The following LARGE1 variants were observed in gnomAD, a reference collection of about 807,000 sequenced individuals.
The protein encoded by LARGE1 is LARGE xylosyl- and glucuronyltransferase 1.
Under a neutral mutation model 87.6 loss-of-function variants are expected in LARGE1, and 43 were observed. The observed-to-expected ratio is 0.49, with a 90% CI of 0.38 to 0.63. The LOEUF (loss-of-function observed/expected upper bound fraction) is 0.63, where lower values mean the gene tolerates loss of function less well. Ranked by LOEUF, LARGE1 falls within the 30% of genes least tolerant of loss-of-function variation. The probability of loss-of-function intolerance (pLI) is 0.00; values close to 1 mark genes in which losing one functional copy is unlikely to be tolerated. For missense variants in LARGE1, 802 were observed against 1,000.2 expected (o/e 0.80, Z 2.67); for synonymous variants, 434 against 394.6 (o/e 1.10, Z -1.18).
Position 33,593,293 on chromosome 22 carries a change from T to A in LARGE1, c.615+11142A>T, listed in dbSNP as rs146265958. 4.7e-3 allele frequency among the ~76,000 whole-genome samples: 714 copies of A among 152,332 alleles called. 22 individuals are homozygous for A. The highest frequency in any genetic ancestry group is 0.041 in the Admixed American group (632 of 15,298). On this transcript the variant is annotated intron_variant, in intron 5 of 14. Transcript: ENST00000397394. ...CCTGGGCTCAAGTGATCCACCCACC[T>A]CAGCCTCCCAAAGTGCTGGGATTAC...
At chr22:33,345,376 A>C (rs1939634727) in intron 9 of LARGE1, among the ~76,000 whole-genome samples, 1 of 152,210 alleles carries the variant, frequency 6.6e-6, no homozygotes, top group African/African-American at 2.4e-5. Context: ...GAGATTGACA[A>C]AAGATGACAG....
chr22:33,555,930 C>CAA (rs34477059), intron 6 of LARGE1, among the ~76,000 whole-genome samples: 1,734 of 124,202 alleles, frequency 0.014, 24 homozygotes, highest in African/African-American at 0.033. Context: ...GACTCCATCT[C>CAA]AAAAAAAAAA....
At chr22:33,573,077 A>G (rs890765470) in intron 5 of LARGE1, among the ~76,000 whole-genome samples, 5 of 152,152 alleles carry the variant, frequency 3.3e-5, no homozygotes, top group African/African-American at 9.7e-5. Flanking sequence ...TTCTGGTGCT[A>G]TATCTAAGCA....
At chr22:33,280,984 T>A (rs1930334988) in intron 13 of LARGE1, among the ~76,000 whole-genome samples, 1 of 152,180 alleles carries the variant, frequency 6.6e-6, no homozygotes, top group Non-Finnish European at 1.5e-5. Flanking sequence ...GCCACCGCCC[T>A]AGAGGACTTG....
At chr22:33,782,539 G>C (rs906492498) in intron 1 of LARGE1, among the ~76,000 whole-genome samples, 2 of 152,084 alleles carry the variant, frequency 1.3e-5, no homozygotes, top group Admixed American at 1.3e-4. Context: ...AAGAGTCAGG[G>C]CTTCATCACA....
At chr22:33,357,899 A>T (rs1055210004) in intron 9 of LARGE1, among the ~76,000 whole-genome samples, 15 of 152,202 alleles carry the variant, frequency 9.9e-5, no homozygotes, top group African/African-American at 3.4e-4. Flanking sequence ...CATCTCTTCT[A>T]TAAAGTCATG....
chr22:33,599,230 T>A (rs2079054537), intron 5 of LARGE1, among the ~76,000 whole-genome samples: 1 of 152,196 alleles, frequency 6.6e-6, no homozygotes, highest in Non-Finnish European at 1.5e-5. Flanking sequence ...AGCAGTCTAA[T>A]CTTAAGCAAA....
At chr22:33,750,425 C>T (rs528757843) in intron 2 of LARGE1, among the ~76,000 whole-genome samples, 2 of 152,164 alleles carry the variant, frequency 1.3e-5, no homozygotes, top group Non-Finnish European at 2.9e-5. Flanking sequence ...AAGCAGTAGG[C>T]GGGCCAAACC....
At chr22:33,810,559 C>G (rs2086460175) in intron 1 of LARGE1, among the ~76,000 whole-genome samples, 1 of 152,160 alleles carries the variant, frequency 6.6e-6, no homozygotes, top group Non-Finnish European at 1.5e-5. Flanking sequence ...GCATGCAACT[C>G]ACTGCAAGCT....
At chr22:33,907,700 C>T (rs1336099275) in intron 1 of LARGE1, among the ~76,000 whole-genome samples, 1 of 152,040 alleles carries the variant, frequency 6.6e-6, no homozygotes, top group East Asian at 1.9e-4. Flanking sequence ...CCTGAGCCTC[C>T]TGAGCCTCCT....
intron 2 of LARGE1, among the ~76,000 whole-genome samples, chr22:33,729,748 C>G (rs1287387916): frequency 6.6e-6 from 1 of 152,248 alleles, no homozygotes; most frequent in Non-Finnish European, 1.5e-5. Flanking sequence ...CTAGCCCCTT[C>G]CCTAAGCCTT....
At chr22:33,378,586 A>C (rs1057408196) in intron 9 of LARGE1, among the ~76,000 whole-genome samples, 3 of 152,230 alleles carry the variant, frequency 2.0e-5, no homozygotes, top group Non-Finnish European at 4.4e-5. Flanking sequence ...TAAATTATAC[A>C]GTTACCTATT....
intron 6 of LARGE1, among the ~76,000 whole-genome samples, chr22:33,471,566 G>A (rs2068843189): frequency 6.6e-6 from 1 of 151,326 alleles, no homozygotes; most frequent in African/African-American, 2.4e-5. Context: ...TCCAACTCTT[G>A]TGCCCCACCC....
chr22:33,381,979 A>G lies in LARGE1; in HGVS notation c.1071T>C (p.Asn357=), dbSNP rs146552975. The G allele has an allele frequency of 1.6e-4, 254 of 1,614,154 alleles. 2 individuals are homozygous for G. The African/African-American group carries it at 3.2e-3, about 20-fold the overall frequency. ...FLVYQLPCFW[N]VQLSDHTRSE... ...AGCGGGTGTGGTCTGACAGCTGCAC[A>G]TTCCAGAAGCAGGGGAGCTGGTACA... Residue 357 remains asparagine, a synonymous_variant, in exon 9 of 15, where the codon AAT becomes AAC. Coordinates refer to ENST00000397394, the MANE Select transcript of LARGE1 (RefSeq NM_133642.5).
At chr22:33,707,436 T>C (rs909911950) in intron 2 of LARGE1, among the ~76,000 whole-genome samples, 3 of 152,240 alleles carry the variant, frequency 2.0e-5, no homozygotes, top group Non-Finnish European at 4.4e-5. Flanking sequence ...TGTTAACAGC[T>C]GGAAGTGGTT....
At chr22:33,290,302 C>T (rs1175054391) in intron 12 of LARGE1, among the ~76,000 whole-genome samples, 1 of 152,198 alleles carries the variant, frequency 6.6e-6, no homozygotes, top group Non-Finnish European at 1.5e-5. Context: ...AAACGCCGTG[C>T]ACTGCCTAGT....
At chr22:33,333,629 T>C (rs1170060423) in intron 10 of LARGE1, among the ~76,000 whole-genome samples, 1 of 152,248 alleles carries the variant, frequency 6.6e-6, no homozygotes, top group African/African-American at 2.4e-5. Flanking sequence ...TAAATTTACT[T>C]AGTACATTCA....
chr22:33,425,672 C>T (rs2066850925), intron 7 of LARGE1, among the ~76,000 whole-genome samples: 1 of 152,160 alleles, frequency 6.6e-6, no homozygotes, highest in Admixed American at 6.5e-5. Context: ...AATTTATTTC[C>T]GTAGCTCTAG....
intron 1 of LARGE1, among the ~76,000 whole-genome samples, chr22:33,827,700 T>C (rs746428886): frequency 2.6e-5 from 4 of 152,140 alleles, no homozygotes; most frequent in Non-Finnish European, 5.9e-5. Flanking sequence ...CATCGTGGTG[T>C]AGAGCCAAGT....
Sources: gnomAD v4.1 joint callset for allele counts (sites outside exome capture counted in the v4.1 genomes callset) on GRCh38, gnomAD v4.1.1 for gene constraint, MANE v1.5 for transcripts, NCBI Gene and HGNC (gene_info 2026-07-23, HGNC 2026-07-21) for gene names.